TENM4: variants seen among roughly 807,000 people sequenced by gnomAD.
TENM4 encodes the protein teneurin-4.
In TENM4, 82 loss-of-function variants were observed where a neutral mutation model predicts 243.3. The ratio of observed to expected loss-of-function variants is 0.34; its 90% confidence interval spans 0.28 to 0.40. The LOEUF is 0.40. Ranked by LOEUF, TENM4 falls within the 10% of genes least tolerant of loss-of-function variation. The probability of loss-of-function intolerance (pLI) is 1.00; values close to 1 mark genes in which losing one functional copy is unlikely to be tolerated. For synonymous variants in TENM4, 1,412 were observed against 1,456.3 expected, an observed-to-expected ratio of 0.97 and a Z score of 0.69; for missense variants, 3,138 against 3,673.3, an observed-to-expected ratio of 0.85 and a Z score of 3.77.
intron 25 of TENM4, among the ~76,000 whole-genome samples, chr11:78,717,374 C>G (rs1241707733): frequency 3.3e-5 from 5 of 152,170 alleles, no homozygotes; most frequent in African/African-American, 9.7e-5. Flanking sequence ...CCTTCAATGA[C>G]AGCAGTTGGC....
chr11:78,667,949 C>T (rs892419595), intron 32 of TENM4, among the ~76,000 whole-genome samples: 26 of 152,290 alleles, frequency 1.7e-4, no homozygotes, highest in African/African-American at 6.3e-4. Flanking sequence ...GGACTGGCTG[C>T]TTGCTGGGAG....
chr11:78,754,686 A>C (rs1300339980), intron 19 of TENM4, among the ~76,000 whole-genome samples: 1 of 152,222 alleles, frequency 6.6e-6, no homozygotes, highest in Non-Finnish European at 1.5e-5. Flanking sequence ...AAATAGCAGG[A>C]AGCTTCCCAC....
intron 17 of TENM4, among the ~76,000 whole-genome samples, chr11:78,775,745 C>T (rs1362344086): frequency 2.0e-5 from 3 of 152,126 alleles, no homozygotes; most frequent in Admixed American, 1.3e-4. Context: ...ATAATCCCTT[C>T]GGAAAGACTC....
chr11:79,139,882 A>C (rs74631296), intron 4 of TENM4, among the ~76,000 whole-genome samples: 1 of 145,108 alleles, frequency 6.9e-6, no homozygotes, highest in Non-Finnish European at 1.5e-5. Context: ...GTCCCTCTAG[A>C]GAACGCTGAG....
chr11:79,182,576 A>G (rs1273059404), intron 3 of TENM4, among the ~76,000 whole-genome samples: 1 of 152,224 alleles, frequency 6.6e-6, no homozygotes, highest in African/African-American at 2.4e-5. Flanking sequence ...GATAAGCTAG[A>G]TATTAAAATT....
At position 79,257,921 on chromosome 11, in the gene TENM4, T is replaced by G. The variant is rs113701060; in HGVS notation, c.-265+39567A>C. 1.8e-3 allele frequency among the ~76,000 whole-genome samples: 269 copies of G among 152,308 alleles called. 1 individual carries two copies. Among genetic ancestry groups the G allele is most frequent in the African/African-American group, 6.0e-3 (249 of 41,572 alleles). On this transcript the variant is annotated intron_variant, in intron 2 of 33. Transcript: ENST00000278550. ...GTTCAAAAGACTTGTCACGTGAGAA[T>G]CCACCAGCACCATGGTGAAAACAGC...
At chr11:78,852,769 A>C (rs1267392548) in intron 12 of TENM4, among the ~76,000 whole-genome samples, 1 of 152,176 alleles carries the variant, frequency 6.6e-6, no homozygotes, top group Non-Finnish European at 1.5e-5. Flanking sequence ...TGTTTGTTTG[A>C]GACAGTGTCT....
At chr11:78,831,149 A>C (rs1269408827) in intron 12 of TENM4, among the ~76,000 whole-genome samples, 8 of 152,224 alleles carry the variant, frequency 5.3e-5, no homozygotes, top group African/African-American at 1.9e-4. Context: ...TAGTCACCGA[A>C]ACCCTACTAT....
chr11:78,916,120 C>T (rs1856310290), intron 6 of TENM4, among the ~76,000 whole-genome samples: 1 of 152,176 alleles, frequency 6.6e-6, no homozygotes, highest in Non-Finnish European at 1.5e-5. Flanking sequence ...AGGTTGAGTG[C>T]TGAATCAAAT....
intron 6 of TENM4, among the ~76,000 whole-genome samples, chr11:79,059,889 T>A (rs535499693): frequency 1.3e-5 from 2 of 152,222 alleles, no homozygotes; most frequent in Non-Finnish European, 2.9e-5. Flanking sequence ...GGTCTCCACA[T>A]TGGACTCTGA....
intron 4 of TENM4, among the ~76,000 whole-genome samples, chr11:79,115,792 G>A (rs770488205): frequency 6.6e-6 from 1 of 152,222 alleles, no homozygotes; most frequent in African/African-American, 2.4e-5. Context: ...AGGGCCTTCA[G>A]TAGCAAATTC....
chr11:78,841,926 A>G (rs1403465760), intron 12 of TENM4, among the ~76,000 whole-genome samples: 2 of 152,064 alleles, frequency 1.3e-5, no homozygotes, highest in East Asian at 3.9e-4. Flanking sequence ...CTTTGTAATC[A>G]TCTTCCTAAG....
intron 15 of TENM4, among the ~76,000 whole-genome samples, chr11:78,800,962 C>A (rs1357729203): frequency 6.6e-6 from 1 of 152,088 alleles, no homozygotes; most frequent in Non-Finnish European, 1.5e-5. Context: ...ACTTCCTTCC[C>A]AGGGTTCTTA....
intron 6 of TENM4, among the ~76,000 whole-genome samples, chr11:79,028,193 T>C (rs1859130408): frequency 6.6e-6 from 1 of 152,184 alleles, no homozygotes; most frequent in Non-Finnish European, 1.5e-5. Flanking sequence ...AGAAGATAAA[T>C]ATAAAGCACT....
intron 12 of TENM4, among the ~76,000 whole-genome samples, chr11:78,834,450 T>C (rs1002834473): frequency 6.6e-6 from 1 of 152,184 alleles, no homozygotes; most frequent in African/African-American, 2.4e-5. Context: ...AAGAGTGAGA[T>C]GCCAAAAAGC....
At chr11:79,149,244 A>T (rs1000559030) in intron 3 of TENM4, among the ~76,000 whole-genome samples, 10 of 152,136 alleles carry the variant, frequency 6.6e-5, no homozygotes, top group African/African-American at 2.4e-4. Flanking sequence ...AGCCATAGCT[A>T]TGCCCAAATC....
chr11:79,136,807 G>C (rs1259531475), intron 4 of TENM4, among the ~76,000 whole-genome samples: 1 of 152,114 alleles, frequency 6.6e-6, no homozygotes, highest in Non-Finnish European at 1.5e-5. Flanking sequence ...TGTGACAGTG[G>C]GCTCATGCTC....
intron 3 of TENM4, chr11:79,191,861 G>C (rs867703947): frequency 6.6e-5 from 12 of 182,302 alleles, no homozygotes; most frequent in African/African-American, 2.7e-4. Flanking sequence ...CAACCGCCCC[G>C]TCTGAGAAGT....
chr11:78,849,900 T>C (rs1858491759), intron 12 of TENM4, among the ~76,000 whole-genome samples: 1 of 152,216 alleles, frequency 6.6e-6, no homozygotes, highest in Non-Finnish European at 1.5e-5. Flanking sequence ...TACATTCTCC[T>C]CCTTTATTCA....
Sources: allele counts gnomAD v4.1 joint callset (sites outside exome capture counted in the v4.1 genomes callset), GRCh38; gene constraint gnomAD v4.1.1; transcripts MANE v1.5; gene names NCBI Gene and HGNC (gene_info 2026-07-23, HGNC 2026-07-21).